Variants in MAP2K6 observed in about 807,000 individuals in gnomAD.
The protein encoded by MAP2K6 is dual specificity mitogen-activated protein kinase kinase 6.
A neutral mutation model predicts 53.7 loss-of-function variants in MAP2K6; 16 were observed. That is an observed-to-expected ratio of 0.30 (90% CI 0.20 to 0.45). The LOEUF is 0.45. Ranked by LOEUF, MAP2K6 falls within the 20% of genes least tolerant of loss-of-function variation. The probability of loss-of-function intolerance (pLI) is 1.00; values close to 1 mark genes in which losing one functional copy is unlikely to be tolerated. For missense variants in MAP2K6, 204 were observed against 411.9 expected (o/e 0.50, Z 4.37); for synonymous variants, 132 against 143.1 (o/e 0.92, Z 0.55).
intron 1 of MAP2K6, among the ~76,000 whole-genome samples, chr17:69,500,414 C>T (rs972305841): frequency 3.6e-5 from 5 of 140,266 alleles, no homozygotes; most frequent in Non-Finnish European, 6.0e-5. Flanking sequence ...GACCACTGCA[C>T]TCCAGCCTGG....
At chr17:69,419,681 C>T (rs1196047132) in intron 1 of MAP2K6, among the ~76,000 whole-genome samples, 1 of 152,130 alleles carries the variant, frequency 6.6e-6, no homozygotes, top group Non-Finnish European at 1.5e-5. Context: ...TGTAACCCCA[C>T]TTTGGGAGGC....
At chr17:69,450,821 TG>T (rs766379287) in intron 1 of MAP2K6, among the ~76,000 whole-genome samples, 4 of 152,128 alleles carry the variant, frequency 2.6e-5, no homozygotes, top group Non-Finnish European at 5.9e-5. Context: ...AGTAGAGTTT[TG>T]TAAACAGAAA....
At chr17:69,464,680 T>C (rs1303766442) in intron 1 of MAP2K6, among the ~76,000 whole-genome samples, 1 of 151,784 alleles carries the variant, frequency 6.6e-6, no homozygotes, top group African/African-American at 2.4e-5. Flanking sequence ...CCGCTACTTA[T>C]TTTTGTAAGA....
intron 1 of MAP2K6, among the ~76,000 whole-genome samples, chr17:69,462,759 C>T (rs1424036472): frequency 6.6e-6 from 1 of 152,140 alleles, no homozygotes; most frequent in Non-Finnish European, 1.5e-5. Flanking sequence ...TTTCCTTCCC[C>T]TTGCCCTTAG....
At chr17:69,436,019 T>TAA (rs10610258) in intron 1 of MAP2K6, among the ~76,000 whole-genome samples, 4 of 144,870 alleles carry the variant, frequency 2.8e-5, no homozygotes, top group Non-Finnish European at 4.6e-5. Context: ...CGATTTAAAA[T>TAA]AAAAAAAAAA....
chr17:69,460,103 C>T (rs982282976), intron 1 of MAP2K6, among the ~76,000 whole-genome samples: 10 of 151,738 alleles, frequency 6.6e-5, no homozygotes, highest in African/African-American at 2.4e-4. Context: ...CCAGATAGCA[C>T]ATTAGGCTCT....
At chr17:69,530,820 G>A (rs1911043853) in intron 10 of MAP2K6, among the ~76,000 whole-genome samples, 1 of 152,040 alleles carries the variant, frequency 6.6e-6, no homozygotes, top group African/African-American at 2.4e-5. Context: ...ATTAATATAT[G>A]GGTACATACC....
intron 1 of MAP2K6, among the ~76,000 whole-genome samples, chr17:69,486,784 G>A (rs907910923): frequency 5.3e-5 from 8 of 152,154 alleles, no homozygotes; most frequent in Non-Finnish European, 7.3e-5. Context: ...AGGGGCATTC[G>A]TTTGTAAACA....
chr17:69,489,134 C>A (rs1466461299), intron 1 of MAP2K6, among the ~76,000 whole-genome samples: 1 of 149,424 alleles, frequency 6.7e-6, no homozygotes, highest in African/African-American at 2.5e-5. Context: ...GCAGGAGAAT[C>A]ACTTGAACCT....
chr17:69,452,096 C>T (rs1460217121), intron 1 of MAP2K6, among the ~76,000 whole-genome samples: 1 of 151,882 alleles, frequency 6.6e-6, no homozygotes, highest in Non-Finnish European at 1.5e-5. Context: ...ACAAGTTCCC[C>T]TAACGCAGTG....
intron 1 of MAP2K6, among the ~76,000 whole-genome samples, chr17:69,451,717 G>A (rs1455690617): frequency 6.6e-6 from 1 of 152,158 alleles, no homozygotes; most frequent in South Asian, 2.1e-4. Flanking sequence ...CCTATCCAGA[G>A]AGGCAGAGAG....
intron 1 of MAP2K6, among the ~76,000 whole-genome samples, chr17:69,429,307 G>A (rs995227759): frequency 1.3e-5 from 2 of 151,624 alleles, no homozygotes; most frequent in African/African-American, 2.4e-5. Flanking sequence ...AAAATTAGCC[G>A]GGCATGGTGG....
chr17:69,448,251 T>TAG (rs1907044200), intron 1 of MAP2K6, among the ~76,000 whole-genome samples: 1 of 151,474 alleles, frequency 6.6e-6, no homozygotes, highest in African/African-American at 2.4e-5. Flanking sequence ...TTTGTTTTTT[T>TAG]TTTTTTTCAA....
chr17:69,498,638 C>A (rs1438466993), intron 1 of MAP2K6, among the ~76,000 whole-genome samples: 1 of 139,810 alleles, frequency 7.2e-6, no homozygotes, highest in Non-Finnish European at 1.5e-5. Context: ...GCCACACACA[C>A]ACACCTGGAA....
intron 1 of MAP2K6, chr17:69,502,633 A>C (rs1909228594): frequency 1.0e-6 from 1 of 985,310 alleles, no homozygotes; most frequent in Non-Finnish European, 1.2e-6. Context: ...TCAAGGGTTT[A>C]GAGTCTGGAG....
chr17:69,466,968 T>G (rs1907835307), intron 1 of MAP2K6, among the ~76,000 whole-genome samples: 1 of 152,218 alleles, frequency 6.6e-6, no homozygotes, highest in Non-Finnish European at 1.5e-5. Context: ...ATCTGTTTAT[T>G]ATGGTGGTTC....
chr17:69,472,337 T>G, intron 1 of MAP2K6, among the ~76,000 whole-genome samples: 1 of 152,214 alleles, frequency 6.6e-6, no homozygotes, highest in East Asian at 1.9e-4. Flanking sequence ...AAGCAAGATT[T>G]GTAGTGCAGT....
At chr17:69,448,238 G>GTTTT (rs1907041270) in intron 1 of MAP2K6, among the ~76,000 whole-genome samples, 1 of 117,474 alleles carries the variant, frequency 8.5e-6, no homozygotes. Flanking sequence ...ATATGGTTTT[G>GTTTT]TTTTTGTTTT....
chr17:69,505,844 C>T lies in MAP2K6; in HGVS notation c.81C>T (p.Ser27=). The part of the protein sequence containing the change: ...KEAFEQPQTS[S]TPPRDLDSKA... ...CATTTGAACAACCTCAGACCAGTTC[C>T]ACGTAAGTTGACAAGACCATCATCT... The change falls in exon 2 of 12, where the codon TCC becomes TCT. Residue 27 remains serine, a splice_region_variant and synonymous_variant. Transcript: ENST00000590474. 1.2e-6 allele frequency: 2 copies of T among 1,613,132 alleles called. No homozygotes were observed. Among genetic ancestry groups the T allele is most frequent in the South Asian group, 2.2e-5 (2 of 91,052 alleles).
Sources: gnomAD v4.1 joint callset for allele counts (sites outside exome capture counted in the v4.1 genomes callset) on GRCh38, gnomAD v4.1.1 for gene constraint, MANE v1.5 for transcripts, NCBI Gene and HGNC (gene_info 2026-07-23, HGNC 2026-07-21) for gene names.